The following DGKH variants were observed in gnomAD, a reference collection of about 807,000 sequenced individuals.
DGKH encodes the protein diacylglycerol kinase eta.
A neutral mutation model predicts 159.3 loss-of-function variants in DGKH; 90 were observed. The observed-to-expected ratio is 0.57, with a 90% CI of 0.48 to 0.67. The LOEUF (loss-of-function observed/expected upper bound fraction) is 0.67. Among genes scored for constraint, DGKH ranks in the 30% least tolerant of loss-of-function variants. The pLI, the probability that DGKH is intolerant of heterozygous loss-of-function variation, is 0.00. For missense variants in DGKH, 1,181 were observed against 1,506.1 expected (o/e 0.78, Z 3.57); for synonymous variants, 536 against 553.8 (o/e 0.97, Z 0.45).
intron 3 of DGKH, among the ~76,000 whole-genome samples, chr13:42,151,562 G>T (rs1416027261): frequency 4.4e-4 from 24 of 54,094 alleles, no homozygotes; most frequent in Admixed American, 1.7e-3. Flanking sequence ...TATATATGTA[G>T]TTTCACTTAT....
exon 30 of DGKH, chr13:42,252,480 A>G (rs1036023128): frequency 6.6e-6 from 1 of 152,236 alleles, no homozygotes; most frequent in Non-Finnish European, 1.5e-5. Context: ...TTCCTTTAGG[A>G]GGTAAGTGGC....
At chr13:42,059,228 T>C (rs962459989) in intron 1 of DGKH, among the ~76,000 whole-genome samples, 7 of 152,114 alleles carry the variant, frequency 4.6e-5, no homozygotes, top group Non-Finnish European at 5.9e-5. Context: ...CACTGTCTTT[T>C]GTTAATGATT....
intron 1 of DGKH, among the ~76,000 whole-genome samples, chr13:42,050,720 T>C (rs966376958): frequency 2.0e-5 from 3 of 151,524 alleles, no homozygotes; most frequent in Non-Finnish European, 2.9e-5. Flanking sequence ...CCGGGCATGG[T>C]GGCTCACGCC....
chr13:42,210,886 C>A, intron 24 of DGKH, 121 bp downstream of exon 24: 1 of 784,866 alleles, frequency 1.3e-6, no homozygotes, highest in Non-Finnish European at 2.0e-6. Context: ...TACTCTTCTT[C>A]ACACAGCACT....
intron 8 of DGKH, among the ~76,000 whole-genome samples, chr13:42,166,213 G>A (rs912877798): frequency 3.9e-5 from 6 of 151,992 alleles, no homozygotes; most frequent in African/African-American, 1.4e-4. Context: ...TTAAAAACCT[G>A]TGCTATTAAC....
intron 7 of DGKH, among the ~76,000 whole-genome samples, chr13:42,163,117 G>GT (rs1196672853): frequency 2.0e-5 from 3 of 150,238 alleles, no homozygotes; most frequent in East Asian, 2.0e-4. Context: ...GCGGTGTTTG[G>GT]TTTTTTGTCC....
rs546777602 is a variant in DGKH, at chr13:42,178,164, G to A, written c.1482G>A (p.Thr494=). The change falls in exon 13 of 30, where the codon ACG becomes ACA. Residue 494 remains threonine, a synonymous_variant. Transcript: ENST00000337343. The part of the protein sequence containing the change: ...YMTIYEDSVA[T]HLTKILNSDE... ...CGATTTATGAAGACTCAGTTGCAACGCATCTTACAAAAATCCTCAATTCTG... is the reference window on the plus strand; with the variant it reads ...CGATTTATGAAGACTCAGTTGCAACACATCTTACAAAAATCCTCAATTCTG... 44 of 1,606,688 alleles carry A rather than the reference G, an allele frequency of 2.7e-5. No homozygotes were observed. Among genetic ancestry groups the A allele is most frequent in the South Asian group, 2.2e-4 (20 of 90,028 alleles).
At chr13:42,090,695 C>T (rs1160256486) in intron 1 of DGKH, among the ~76,000 whole-genome samples, 2 of 152,120 alleles carry the variant, frequency 1.3e-5, no homozygotes, top group African/African-American at 2.4e-5. Context: ...ATCTGTATTG[C>T]AAAAGCATGA....
At chr13:42,119,495 A>G (rs949631395) in intron 1 of DGKH, among the ~76,000 whole-genome samples, 1 of 152,204 alleles carries the variant, frequency 6.6e-6, no homozygotes, top group African/African-American at 2.4e-5. Context: ...AGTTCTGAAC[A>G]CGGTGAGATG....
At chr13:42,197,293 C>T (rs1157350463) in intron 17 of DGKH, among the ~76,000 whole-genome samples, 1 of 107,924 alleles carries the variant, frequency 9.3e-6, no homozygotes, top group Non-Finnish European at 2.3e-5. Context: ...TAACACTTCC[C>T]TCTAGGGCAG....
At chr13:42,213,044 T>C (rs1348730524) in intron 24 of DGKH, among the ~76,000 whole-genome samples, 1 of 152,116 alleles carries the variant, frequency 6.6e-6, no homozygotes, top group Non-Finnish European at 1.5e-5. Flanking sequence ...TGCAAGATTG[T>C]GTGGAATGTA....
intron 14 of DGKH, among the ~76,000 whole-genome samples, chr13:42,187,705 G>T (rs1436625750): frequency 6.6e-6 from 1 of 152,116 alleles, no homozygotes; most frequent in African/African-American, 2.4e-5. Flanking sequence ...ATGCATAGCA[G>T]TCAGACCACA....
In DGKH at chr13:42,199,654, G is replaced by A. The variant is rs1957298079; in HGVS notation, c.2374G>A (p.Glu792Lys). 1 of 1,598,510 alleles carries A rather than the reference G, an allele frequency of 6.3e-7. No individual in the cohort carries two copies. The highest frequency in any genetic ancestry group is 8.5e-7 in the Non-Finnish European group (1 of 1,175,212). Residue 792 changes from glutamate (E) to lysine (K), a missense_variant, in exon 19 of 30, where the codon GAG becomes AAG. Transcript: ENST00000337343. ...TTCATTAGAATTTAATAATAAAAGA[G>A]AGGAGCACCCTGAAAAATGCAGGTA... ...KISLEFNNKREEHPEKCRSRT... is the reference protein window; with the variant it reads ...KISLEFNNKRKEHPEKCRSRT...
intron 3 of DGKH, among the ~76,000 whole-genome samples, chr13:42,130,287 T>C (rs889301353): frequency 1.3e-5 from 2 of 152,174 alleles, no homozygotes; most frequent in African/African-American, 4.8e-5. Flanking sequence ...TCCTGTTCCC[T>C]CTGACTTCAG....
chr13:42,051,646 CTTTTTTTTTTTTTT>C (rs56413015), intron 1 of DGKH, among the ~76,000 whole-genome samples: 10 of 50,130 alleles, frequency 2.0e-4, no homozygotes, highest in Admixed American at 1.8e-3. Context: ...TCAAAGCCAT[CTTTTTTTTTTTTTT>C]TTTTTTTTTT....
intron 1 of DGKH, among the ~76,000 whole-genome samples, chr13:42,124,571 T>G (rs1955133901): frequency 6.6e-6 from 1 of 152,174 alleles, no homozygotes; most frequent in Non-Finnish European, 1.5e-5. Flanking sequence ...TAATTCCTGC[T>G]ACAGTCAGTG....
chr13:42,051,706 C>T (rs1408348880), intron 1 of DGKH, among the ~76,000 whole-genome samples: 2 of 114,436 alleles, frequency 1.7e-5, no homozygotes, highest in Non-Finnish European at 3.2e-5. Context: ...GTTGCCCAGG[C>T]TGGAGTGCAA....
At chr13:42,218,274 G>A (rs1957859569) in intron 26 of DGKH, among the ~76,000 whole-genome samples, 1 of 152,124 alleles carries the variant, frequency 6.6e-6, no homozygotes, top group Admixed American at 6.5e-5. Flanking sequence ...TAATAGGTGA[G>A]CAGTTAAATT....
intron 1 of DGKH, among the ~76,000 whole-genome samples, chr13:42,122,550 A>G (rs1451955844): frequency 6.6e-6 from 1 of 152,154 alleles, no homozygotes; most frequent in Non-Finnish European, 1.5e-5. Context: ...TAATCTATGT[A>G]TGGATTAATC....
Sources: allele counts gnomAD v4.1 joint callset (sites outside exome capture counted in the v4.1 genomes callset), GRCh38; gene constraint gnomAD v4.1.1; transcripts MANE v1.5; gene names NCBI Gene and HGNC (gene_info 2026-07-23, HGNC 2026-07-21).